COL21A1: variants seen among roughly 807,000 people sequenced by gnomAD.
COL21A1 encodes collagen type XXI alpha 1 chain.
In COL21A1, 149 loss-of-function variants were observed where a neutral mutation model predicts 137.9. The observed-to-expected ratio is 1.08, with a 90% CI of 0.95 to 1.24. COL21A1 has a LOEUF of 1.24. Ranked by LOEUF, COL21A1 falls within the 50% of genes most tolerant of loss-of-function variation. The pLI is 0.00. For synonymous variants in COL21A1, 456 were observed against 391.5 expected (o/e 1.16, Z -1.95); for missense variants, 1,167 against 1,158.4 (o/e 1.01, Z -0.11).
rs1434962261 is a variant in COL21A1, at chr6:56,097,762, T to C, written c.1812+3710A>G. ...CCTCATTTTATATTTTTTATATATA[T>C]ATAAATATATATAAATATATAAAAA... On this transcript the variant is annotated intron_variant, in intron 17 of 29. Transcript: ENST00000244728. Among the ~76,000 whole-genome samples, 2 of 123,122 alleles carry C rather than the reference T, an allele frequency of 1.6e-5. 1 individual carries two copies. Among genetic ancestry groups the C allele is most frequent in the Non-Finnish European group, 3.3e-5 (2 of 60,860 alleles). The allele number at this position is 123,122 out of a possible 152,430, so 80.8% of individuals were successfully genotyped here. A position where few individuals can be genotyped will look rare whatever the true frequency, so the allele number is the denominator to read the frequency against.
chr6:56,096,242 C>G (rs1016638281), intron 17 of COL21A1, among the ~76,000 whole-genome samples: 4 of 152,110 alleles, frequency 2.6e-5, no homozygotes, highest in Non-Finnish European at 5.9e-5. Context: ...AGGCTCCCCC[C>G]ATACCTATGT....
At chr6:56,198,253 A>G (rs1414234609) in intron 1 of COL21A1, among the ~76,000 whole-genome samples, 1 of 152,086 alleles carries the variant, frequency 6.6e-6, no homozygotes, top group East Asian at 1.9e-4. Context: ...AAGGGTGCAA[A>G]TTTTGAGATA....
At chr6:56,089,335 T>C (rs1027369334) in intron 17 of COL21A1, among the ~76,000 whole-genome samples, 4 of 152,204 alleles carry the variant, frequency 2.6e-5, no homozygotes, top group Non-Finnish European at 4.4e-5. Flanking sequence ...TGGCACTATG[T>C]ATGTTCTGTA....
chr6:56,176,422 CAA>C, intron 3 of COL21A1, among the ~76,000 whole-genome samples: 1 of 147,710 alleles, frequency 6.8e-6, no homozygotes, highest in African/African-American at 2.5e-5. Flanking sequence ...AACTCAGCAA[CAA>C]AAAAAAAACT....
At chr6:56,234,787 T>C (rs1346768803) in intron 1 of COL21A1, among the ~76,000 whole-genome samples, 1 of 151,802 alleles carries the variant, frequency 6.6e-6, no homozygotes, top group East Asian at 1.9e-4. Context: ...TGTCATGCTT[T>C]CTCATATTCA....
chr6:56,386,721 A>G (rs1166216150), intron 1 of COL21A1, among the ~76,000 whole-genome samples: 2 of 152,184 alleles, frequency 1.3e-5, no homozygotes, highest in Non-Finnish European at 1.5e-5. Flanking sequence ...TTCTTTTTAA[A>G]TAACTGAATT....
intron 29 of COL21A1, among the ~76,000 whole-genome samples, chr6:56,058,108 T>A (rs1228990329): frequency 1.4e-4 from 4 of 29,220 alleles, no homozygotes; most frequent in Admixed American, 2.6e-4. Context: ...TTAAAACATT[T>A]AGCTAACATT....
chr6:56,178,464 A>G (rs745581147), intron 3 of COL21A1, among the ~76,000 whole-genome samples: 9 of 152,120 alleles, frequency 5.9e-5, no homozygotes, highest in Non-Finnish European at 1.0e-4. Flanking sequence ...CATATCCCAC[A>G]AGCAAATATG....
chr6:56,148,102 G>C (rs986497031), intron 10 of COL21A1, among the ~76,000 whole-genome samples: 7 of 152,086 alleles, frequency 4.6e-5, no homozygotes, highest in Non-Finnish European at 8.8e-5. Flanking sequence ...AGGCAGGACT[G>C]TCATTTCTTT....
chr6:56,097,546 G>T (rs1201290553), intron 17 of COL21A1, among the ~76,000 whole-genome samples: 2 of 151,204 alleles, frequency 1.3e-5, no homozygotes, highest in Non-Finnish European at 2.9e-5. Context: ...AAGAAAAGAA[G>T]GAAATGGTTA....
In COL21A1 at chr6:56,124,625, A is replaced by ATTTT. The variant is rs376945703; in HGVS notation, c.1651-334_1651-333insAAAA. 4.5e-4 allele frequency among the ~76,000 whole-genome samples: 46 copies of ATTTT among 101,876 alleles called. No individual in the cohort carries two copies. In the East Asian group the frequency reaches 5.4e-3, roughly 12 times the overall value. 66.8% of individuals were successfully genotyped at this position (101,876 alleles called of 152,430 possible). On this transcript the variant is annotated intron_variant, in intron 14 of 29. Transcript: ENST00000244728. ...CCCATAACATCAAATTTCAGTGGAC[A>ATTTT]TGTTTTTTGTTTGTTTGTTTGTTTG...
At chr6:56,169,992 AT>A (rs1214830284) in intron 5 of COL21A1, among the ~76,000 whole-genome samples, 1 of 151,942 alleles carries the variant, frequency 6.6e-6, no homozygotes, top group Non-Finnish European at 1.5e-5. Flanking sequence ...AAACTGTGTA[AT>A]ATGGCTTTAG....
At chr6:56,293,148 G>T (rs1215301021) in intron 1 of COL21A1, among the ~76,000 whole-genome samples, 1 of 152,056 alleles carries the variant, frequency 6.6e-6, no homozygotes, top group African/African-American at 2.4e-5. Flanking sequence ...ATTTGTGCAT[G>T]TTCAGTTTTT....
rs1301820612 is a variant in COL21A1 at position 56,305,499 on chromosome 6, A to T, written c.-39+88472T>A. 2.0e-5 allele frequency among the ~76,000 whole-genome samples: 3 copies of T among 152,032 alleles called. No individual in the cohort carries two copies. In the East Asian group the frequency reaches 5.8e-4, roughly 29 times the overall value. ...TTACCATTATGTAATGGCCTTCTTT[A>T]TCTTTTTTGATCTTTGTTGGTTTAA... On this transcript the variant is annotated intron_variant, in intron 1 of 28. Coordinates refer to the COL21A1 transcript ENST00000370819.
chr6:56,298,941 TTCAAAG>T (rs1161571673), intron 1 of COL21A1, among the ~76,000 whole-genome samples: 1 of 152,148 alleles, frequency 6.6e-6, no homozygotes, highest in Non-Finnish European at 1.5e-5. Context: ...ACAACTTATA[TTCAAAG>T]TCATAGTATC....
At chr6:56,126,416 GA>G (rs1773053353) in intron 12 of COL21A1, 1 of 356,146 alleles carries the variant, frequency 2.8e-6, no homozygotes, top group African/African-American at 2.2e-5. Flanking sequence ...CACCTATTCT[GA>G]AAAAGTCTTA....
At chr6:56,328,107 T>A (rs1336021165) in intron 1 of COL21A1, among the ~76,000 whole-genome samples, 1 of 152,084 alleles carries the variant, frequency 6.6e-6, no homozygotes, top group African/African-American at 2.4e-5. Flanking sequence ...CCCTTAAAAA[T>A]TCTTGAACTA....
At chr6:56,226,814 T>C (rs566380427) in intron 1 of COL21A1, among the ~76,000 whole-genome samples, 1 of 152,126 alleles carries the variant, frequency 6.6e-6, no homozygotes, top group South Asian at 2.1e-4. Context: ...AGTTATGTTG[T>C]TATGACAATG....
At chr6:56,109,314 AAAAGT>A (rs1306689881) in intron 16 of COL21A1, among the ~76,000 whole-genome samples, 3 of 151,816 alleles carry the variant, frequency 2.0e-5, no homozygotes, top group African/African-American at 7.2e-5. Flanking sequence ...TAAAAAAAAG[AAAAGT>A]AGAGAGTGAA....
Sources: allele counts gnomAD v4.1 joint callset (sites outside exome capture counted in the v4.1 genomes callset), GRCh38; gene constraint gnomAD v4.1.1; transcripts MANE v1.5; gene names NCBI Gene and HGNC (gene_info 2026-07-23, HGNC 2026-07-21).